The following PML variants were observed in gnomAD, a reference collection of about 807,000 sequenced individuals.
The protein encoded by PML is protein PML.
A neutral mutation model predicts 65.2 loss-of-function variants in PML; 28 were observed. The observed-to-expected ratio is 0.43, with a 90% confidence interval of 0.32 to 0.59. PML has a LOEUF of 0.59. PML is among the 20% of genes least tolerant of loss of function. The pLI is 0.08. For synonymous variants in PML, 500 were observed against 508.8 expected (o/e 0.98, Z 0.23); for missense variants, 1,021 against 1,203.4 (o/e 0.85, Z 2.24).
rs139347234 is a variant in PML, at chr15:74,029,453, G to A, written c.1255-3119G>A. ...AGCCTGACCAACATGATGAAACCTC[G>A]TCTCTTCTAAAAATACAAACATTAG... On this transcript the variant is annotated intron_variant, in intron 4 of 8. Coordinates refer to ENST00000268058, the MANE Select transcript of PML (RefSeq NM_033238.3). Among the ~76,000 whole-genome samples the A allele has an allele frequency of 6.6e-3, 1,006 of 152,024 alleles. 10 individuals carry two copies. Among genetic ancestry groups the A allele is most frequent in the African/African-American group, 0.023 (939 of 41,440 alleles).
chr15:74,042,966 C>A lies in PML; in HGVS notation c.1711-23C>A. 6.2e-7 allele frequency: 1 copy of A among 1,613,282 alleles called. No individual in the cohort carries two copies. ...TTGCCTTGGCCCTCTGAATCCCTGA[C>A]GCTTGGTTTTTCTGTGTTGCAGTCC... On this transcript the variant is annotated intron_variant, in intron 7 of 8. Transcript: ENST00000268058. The surrounding 1 kb of genome is among the most constrained non-coding windows in gnomAD (Gnocchi z 5.3).
At chr15:74,021,202 T>C (rs1303402285) in intron 2 of PML, among the ~76,000 whole-genome samples, 1 of 152,230 alleles carries the variant, frequency 6.6e-6, no homozygotes, top group Non-Finnish European at 1.5e-5. Flanking sequence ...TTCCACTGGA[T>C]TGTCAGGAGG....
At chr15:74,040,710 A>C (rs2071677014) in intron 7 of PML, among the ~76,000 whole-genome samples, 1 of 152,240 alleles carries the variant, frequency 6.6e-6, no homozygotes, top group Non-Finnish European at 1.5e-5. Flanking sequence ...ATGGGTGGCC[A>C]TACTTTATGG....
At chr15:74,041,865 C>A (rs972885972) in intron 7 of PML, among the ~76,000 whole-genome samples, 7 of 152,176 alleles carry the variant, frequency 4.6e-5, no homozygotes, top group African/African-American at 1.2e-4. Context: ...GAGAAGCCAG[C>A]GGCAGTCCAT....
chr15:74,025,856 C>A (rs2071049474), intron 4 of PML: 1 of 152,302 alleles, frequency 6.6e-6, no homozygotes, highest in Admixed American at 6.5e-5. Context: ...ATGCGCCTAG[C>A]CTATCAAGGA....
At chr15:74,013,958 C>A (rs1346622815) in intron 2 of PML, among the ~76,000 whole-genome samples, 1 of 152,116 alleles carries the variant, frequency 6.6e-6, no homozygotes, top group Non-Finnish European at 1.5e-5. Flanking sequence ...GAATTTCCCC[C>A]CATGATGTAC....
chr15:74,033,274 C>T lies in PML; in HGVS notation c.1517C>T (p.Pro506Leu), dbSNP rs202019975. 1.0e-4 allele frequency: 161 copies of T among 1,614,226 alleles called. No homozygotes were observed. Among genetic ancestry groups the T allele is most frequent in the Non-Finnish European group, 8.6e-5 (101 of 1,180,030 alleles). ...GAGGCAAGGTTGGCTCGGAGCTCCC[C>T]GGAGCAGCCCAGGCCCAGCACCTCC... Reference protein sequence around the residue: ...GKEARLARSSPEQPRPSTSKA... With the variant: ...GKEARLARSSLEQPRPSTSKA... The change falls in exon 6 of 9, where the codon CCG becomes CTG. Residue 506 changes from proline (P) to leucine (L), a missense_variant. Transcript: ENST00000268058.
Position 74,035,192 on chromosome 15 carries a change from C to T in PML, c.1710+662C>T, listed in dbSNP as rs1420669091. 3.6e-6 allele frequency: 5 copies of T among 1,393,358 alleles called. No individual in the cohort carries two copies. Among genetic ancestry groups the T allele is most frequent in the South Asian group, 1.2e-5 (1 of 86,748 alleles). The allele number at this position is 1,393,358 out of a possible 1,614,324, so 86.3% of individuals were successfully genotyped here. ...GAAAGTGCATGGAGCCCATGGAGACCGCCGAGCCACAGTCCTCGCCAGCCC... is the reference window on the plus strand; with the variant it reads ...GAAAGTGCATGGAGCCCATGGAGACTGCCGAGCCACAGTCCTCGCCAGCCC... On this transcript the variant is annotated intron_variant, in intron 7 of 8. Transcript: ENST00000268058. This position sits in a 1 kb window ranked among gnomAD's most constrained non-coding sequence, Gnocchi z 4.1.
chr15:74,012,910 C>T (rs564635780), intron 2 of PML, among the ~76,000 whole-genome samples: 4 of 152,106 alleles, frequency 2.6e-5, no homozygotes, highest in Non-Finnish European at 5.9e-5. Flanking sequence ...TACTCTGATA[C>T]TTGAATAATA....
In PML at chr15:74,036,001, C is replaced by G. The variant is rs199725271; in HGVS notation, c.1710+1471C>G. The G allele has an allele frequency of 1.4e-5, 22 of 1,614,042 alleles. No individual in the cohort carries two copies. The African/African-American group carries it at 2.8e-4, about 21-fold the overall frequency. ...TTGCAGCCAACACCCCTGCCCGGCC[C>G]CTGAGCTGCCTCCTCCAGCCCATGC... On this transcript the variant is annotated intron_variant, in intron 7 of 8. Transcript: ENST00000268058.
chr15:74,036,533 G>A (rs2071566404), intron 7 of PML: 1 of 972,188 alleles, frequency 1.0e-6, no homozygotes, highest in Admixed American at 4.2e-5. Flanking sequence ...CACACTCATG[G>A]GCATCAGAGG....
rs375611361 is a variant in PML at position 74,034,510 on chromosome 15, G to A, written c.1690G>A (p.Asp564Asn). The change falls in exon 7 of 9, where the codon GAC (aspartate) becomes AAC (asparagine). Residue 564 changes from aspartate (D) to asparagine (N), a missense_variant. Transcript: ENST00000268058. ...CGTTGTGGTGATCAGCAGCTCGGAA[G>A]ACTCAGATGCCGAAAACTCGGTGAG... ...ERVVVISSSE[D>N]SDAENSSSRE... 6.2e-6 allele frequency: 10 copies of A among 1,614,196 alleles called. No individual in the cohort carries two copies. In the East Asian group the frequency reaches 8.9e-5, roughly 14 times the overall value.
chr15:74,014,565 G>A (rs929823490), intron 2 of PML, among the ~76,000 whole-genome samples: 4 of 151,840 alleles, frequency 2.6e-5, no homozygotes, highest in East Asian at 2.0e-4. Context: ...AGTTCGAGAC[G>A]AGCCTGACCA....
chr15:74,030,036 T>C (rs2071249328), intron 4 of PML, among the ~76,000 whole-genome samples: 1 of 151,724 alleles, frequency 6.6e-6, no homozygotes, highest in Non-Finnish European at 1.5e-5. Flanking sequence ...CACCGCGGGG[T>C]TCTGGTACCT....
In PML at chr15:74,024,930, G is replaced by A. The variant is rs995743028; in HGVS notation, c.1254+3G>A. 30 of 1,610,246 alleles carry A rather than the reference G, an allele frequency of 1.9e-5. No individual in the cohort carries two copies. The East Asian group carries it at 6.7e-4, about 36-fold the overall frequency. On this transcript the variant is annotated splice_donor_region_variant and intron_variant, in intron 4 of 8. Coordinates refer to ENST00000268058, the MANE Select transcript of PML (RefSeq NM_033238.3). ...GGGACCCTATTGACGTTGACCTGGT[G>A]AGATGGGTTTGAGGTCTGAAGGGGT...
chr15:73,998,376 G>C lies in PML; in HGVS notation c.502G>C (p.Glu168Gln), dbSNP rs1376941327. 2 of 1,614,156 alleles carry C rather than the reference G, an allele frequency of 1.2e-6. No homozygotes were observed. The highest frequency in any genetic ancestry group is 1.6e-4 in the Middle Eastern group (1 of 6,062). Residue 168 changes from glutamate to glutamine, a missense_variant, in exon 2 of 9, where the codon GAG (glutamate) becomes CAG (glutamine). By Grantham distance (29) the Glu-to-Gln change is conservative. Coordinates refer to ENST00000268058, the MANE Select transcript of PML (RefSeq NM_033238.3). ...CAAGCACGAGGCCCGGCCCCTAGCA[G>C]AGCTGCGCAACCAGTCGGTGCGTGA... ...FLKHEARPLA[E>Q]LRNQSVREFL...
chr15:74,022,788 C>A, intron 2 of PML, 40 bp from the exon 3 acceptor site: 1 of 1,529,708 alleles, frequency 6.5e-7, no homozygotes, highest in South Asian at 1.1e-5. Flanking sequence ...AGGAAAAAGT[C>A]AGGAGAGTCC....
intron 2 of PML, among the ~76,000 whole-genome samples, chr15:74,005,133 A>G (rs964688134): frequency 6.6e-6 from 1 of 151,902 alleles, no homozygotes; most frequent in Admixed American, 6.6e-5. Flanking sequence ...GCTCACTGCA[A>G]CCTCCACCTC....
At chr15:74,020,091 T>G (rs2070766205) in intron 2 of PML, among the ~76,000 whole-genome samples, 1 of 152,238 alleles carries the variant, frequency 6.6e-6, no homozygotes, top group Non-Finnish European at 1.5e-5. Context: ...TGATGGGTAT[T>G]GCCAAATTGC....
Sources: allele counts gnomAD v4.1 joint callset (sites outside exome capture counted in the v4.1 genomes callset), GRCh38; gene constraint gnomAD v4.1.1; non-coding constraint Gnocchi (gnomAD v3.1); transcripts MANE v1.5; gene names NCBI Gene and HGNC (gene_info 2026-07-23, HGNC 2026-07-21).